MYO3B: variants seen among roughly 807,000 people sequenced by gnomAD.
The protein encoded by MYO3B is myosin-IIIb.
A neutral mutation model predicts 174.6 loss-of-function variants in MYO3B; 156 were observed. The ratio of observed to expected loss-of-function variants is 0.89; its 90% CI spans 0.78 to 1.02. MYO3B has a LOEUF of 1.02. Ranked by LOEUF, MYO3B falls within the 50% of genes least tolerant of loss-of-function variation. MYO3B has a pLI of 0.00. For missense variants in MYO3B, 1,632 were observed against 1,639.4 expected, an observed-to-expected ratio of 1.00 and a Z score of 0.08; for synonymous variants, 563 against 569.1, an observed-to-expected ratio of 0.99 and a Z score of 0.15.
intron 32 of MYO3B, among the ~76,000 whole-genome samples, chr2:170,602,493 G>A (rs573576541): frequency 1.3e-5 from 2 of 152,340 alleles, no homozygotes; most frequent in East Asian, 3.9e-4. Context: ...TGAATGCAGA[G>A]TGAATCACTG....
chr2:170,601,536 T>A, intron 32 of MYO3B: 1 of 909,560 alleles, frequency 1.1e-6, no homozygotes, highest in Non-Finnish European at 1.7e-6. Context: ...AATTTTTTTA[T>A]TTAAAAGGAG....
At chr2:170,339,463 T>G (rs939304439) in intron 8 of MYO3B, among the ~76,000 whole-genome samples, 2 of 152,108 alleles carry the variant, frequency 1.3e-5, no homozygotes, top group African/African-American at 4.8e-5. Context: ...GCTGCAGGGA[T>G]CTGAACAAGT....
chr2:170,432,833 C>T (rs2094722244), intron 22 of MYO3B, among the ~76,000 whole-genome samples: 2 of 152,090 alleles, frequency 1.3e-5, no homozygotes. Context: ...CCTCGGCCTC[C>T]TAAAGTGCTG....
chr2:170,487,048 C>G, intron 25 of MYO3B, among the ~76,000 whole-genome samples: 1 of 152,194 alleles, frequency 6.6e-6, no homozygotes, highest in East Asian at 1.9e-4. Flanking sequence ...GATTCTGATT[C>G]TATGTCTGGA....
intron 1 of MYO3B, among the ~76,000 whole-genome samples, chr2:170,197,018 G>GTTT (rs35829763): frequency 6.9e-6 from 1 of 144,232 alleles, no homozygotes. Context: ...ATCTTTTCAG[G>GTTT]TTTTTTTTTT....
At chr2:170,437,683 CT>C (rs2094764781) in intron 22 of MYO3B, among the ~76,000 whole-genome samples, 1 of 152,130 alleles carries the variant, frequency 6.6e-6, no homozygotes, top group Admixed American at 6.5e-5. Context: ...ATGCTTTTCA[CT>C]TAGTAATCTG....
intron 7 of MYO3B, among the ~76,000 whole-genome samples, chr2:170,272,340 G>T (rs1176589992): frequency 6.6e-6 from 1 of 152,086 alleles, no homozygotes; most frequent in Admixed American, 6.5e-5. Flanking sequence ...TTCTGTTACT[G>T]CCTTGGTGTA....
chr2:170,188,414 A>T (rs962119099), intron 1 of MYO3B, among the ~76,000 whole-genome samples: 20 of 152,114 alleles, frequency 1.3e-4, no homozygotes, highest in Non-Finnish European at 2.6e-4. Flanking sequence ...TCATTAAAAA[A>T]TCTATTTAGC....
intron 25 of MYO3B, among the ~76,000 whole-genome samples, chr2:170,482,696 A>C (rs181136753): frequency 2.6e-5 from 4 of 152,308 alleles, no homozygotes; most frequent in Non-Finnish European, 5.9e-5. Context: ...TCACTGAAAG[A>C]CTCTAAGAGA....
chr2:170,543,945 A>G lies in MYO3B; in HGVS notation c.3690A>G (p.Pro1230=), dbSNP rs769659940. ...LLSSRICHPA[P]DQQGLSLWGA... is the part of the protein sequence containing the mutation. ...CTTCTCGGATATGCCATCCTGCTCC[A>G]GATCAGCAAGGATTGAGTCTCTGGG... The change falls in exon 32 of 35, where the codon CCA becomes CCG. Residue 1230 remains proline (P), a synonymous_variant. Transcript: ENST00000408978. 13 of 1,613,388 alleles carry G rather than the reference A, an allele frequency of 8.1e-6. No homozygotes were observed. In the Admixed American group the frequency reaches 2.2e-4, roughly 27 times the overall value.
chr2:170,459,664 C>T (rs187240124), intron 23 of MYO3B, among the ~76,000 whole-genome samples: 44 of 152,262 alleles, frequency 2.9e-4, no homozygotes, highest in Admixed American at 1.8e-3. Flanking sequence ...TGGGACCGGG[C>T]GCCATGGAGC....
At chr2:170,601,389 C>A (rs1323469267) in intron 32 of MYO3B, among the ~76,000 whole-genome samples, 1 of 152,222 alleles carries the variant, frequency 6.6e-6, no homozygotes, top group Non-Finnish European at 1.5e-5. Flanking sequence ...AACCCCCATA[C>A]TGTACCAGGC....
At chr2:170,234,969 A>C (rs574107410) in intron 6 of MYO3B, among the ~76,000 whole-genome samples, 7 of 152,336 alleles carry the variant, frequency 4.6e-5, no homozygotes, top group African/African-American at 1.7e-4. Context: ...TTGCTAAAAC[A>C]TAAGCTAGAT....
intron 32 of MYO3B, chr2:170,602,173 A>C: frequency 8.0e-7 from 1 of 1,244,464 alleles, no homozygotes; most frequent in Non-Finnish European, 1.2e-6. Context: ...AGTTTGCACA[A>C]AAAATGCATA....
At chr2:170,417,604 A>G (rs1243287212) in intron 22 of MYO3B, among the ~76,000 whole-genome samples, 1 of 152,298 alleles carries the variant, frequency 6.6e-6, no homozygotes, top group East Asian at 1.9e-4. Context: ...TTCCTTCTGG[A>G]GGCTCTGAGG....
intron 28 of MYO3B, among the ~76,000 whole-genome samples, chr2:170,510,516 T>C (rs1687909985): frequency 6.6e-6 from 1 of 152,198 alleles, no homozygotes; most frequent in Non-Finnish European, 1.5e-5. Context: ...TCAGTTTGAC[T>C]AGTGATATCC....
chr2:170,419,324 G>A (rs1161788224), intron 22 of MYO3B, among the ~76,000 whole-genome samples: 7 of 152,194 alleles, frequency 4.6e-5, no homozygotes, highest in Non-Finnish European at 7.3e-5. Flanking sequence ...ATAGGCATTT[G>A]CTTCTCACAG....
At position 170,621,780 on chromosome 2, in the gene MYO3B, G is replaced by T. The variant is rs148322076; in HGVS notation, c.3734-29848G>T. On this transcript the variant is annotated intron_variant, in intron 32 of 34. Coordinates refer to ENST00000408978, the MANE Select transcript of MYO3B (RefSeq NM_138995.5). ...ACCCGCCTCGGCCTCCCAAAGTACT[G>T]GGGCCACCGTGAGCCACCAGGCATT... is the stretch of plus-strand genomic sequence containing the variant. Among the ~76,000 whole-genome samples, 583 of 152,162 alleles carry T rather than the reference G, an allele frequency of 3.8e-3. 4 individuals are homozygous for T. Among genetic ancestry groups the T allele is most frequent in the Middle Eastern group, 0.017 (5 of 294 alleles).
intron 1 of MYO3B, among the ~76,000 whole-genome samples, chr2:170,187,541 C>G (rs1048203463): frequency 3.3e-5 from 5 of 152,092 alleles, no homozygotes; most frequent in African/African-American, 1.2e-4. Flanking sequence ...TTTTCTAGTT[C>G]TTTAACATGC....
Sources: gnomAD v4.1 joint callset for allele counts (sites outside exome capture counted in the v4.1 genomes callset) on GRCh38, gnomAD v4.1.1 for gene constraint, MANE v1.5 for transcripts, NCBI Gene and HGNC (gene_info 2026-07-23, HGNC 2026-07-21) for gene names.